The following LNX1 variants were observed in gnomAD, a reference collection of about 807,000 sequenced individuals.
The protein encoded by LNX1 is ligand of numb-protein X 1, also known as E3 ubiquitin-protein ligase LNX.
Under a neutral mutation model 68.4 loss-of-function variants are expected in LNX1, and 54 were observed. The ratio of observed to expected loss-of-function variants is 0.79; its 90% CI spans 0.63 to 0.99. The LOEUF is 0.99. Among genes scored for constraint, LNX1 ranks in the 50% least tolerant of loss-of-function variants. The pLI is 0.00. For missense variants in LNX1, 906 were observed against 926.4 expected, an observed-to-expected ratio of 0.98 and a Z score of 0.29; for synonymous variants, 336 against 350.0, an observed-to-expected ratio of 0.96 and a Z score of 0.45.
At chr4:53,596,780 T>C (rs550201020) in intron 2 of LNX1, among the ~76,000 whole-genome samples, 2 of 152,244 alleles carry the variant, frequency 1.3e-5, no homozygotes, top group South Asian at 4.1e-4. Flanking sequence ...CATCCCTGAC[T>C]TCCCCCTATT....
chr4:53,555,470 C>G (rs1278694220), intron 2 of LNX1, among the ~76,000 whole-genome samples: 4 of 152,192 alleles, frequency 2.6e-5, no homozygotes, highest in Non-Finnish European at 5.9e-5. Flanking sequence ...TCTCAACTTA[C>G]TACCTACTCT....
intron 2 of LNX1, among the ~76,000 whole-genome samples, chr4:53,521,487 T>C (rs1463004447): frequency 6.6e-6 from 1 of 152,198 alleles, no homozygotes; most frequent in Non-Finnish European, 1.5e-5. Context: ...TGGAAAATTG[T>C]GTTCTTCCTT....
At chr4:53,489,297 T>C (rs552411877) in intron 6 of LNX1, among the ~76,000 whole-genome samples, 124 of 152,214 alleles carry the variant, frequency 8.1e-4, no homozygotes, top group African/African-American at 2.9e-3. Flanking sequence ...AGCAATATGG[T>C]TTATTTTTCC....
At chr4:53,463,969 C>G (rs1722433946) in intron 9 of LNX1, among the ~76,000 whole-genome samples, 1 of 151,954 alleles carries the variant, frequency 6.6e-6, no homozygotes, top group Non-Finnish European at 1.5e-5. Flanking sequence ...AATAATAAAC[C>G]AAGTGCATCA....
At chr4:53,649,883 C>T (rs1232043012) in intron 1 of LNX1, among the ~76,000 whole-genome samples, 2 of 152,174 alleles carry the variant, frequency 1.3e-5, no homozygotes, top group Non-Finnish European at 2.9e-5. Context: ...CTATGTTCCA[C>T]CCTAGCCAAG....
intron 2 of LNX1, among the ~76,000 whole-genome samples, chr4:53,610,937 A>G (rs188055510): frequency 1.9e-4 from 29 of 152,108 alleles, no homozygotes; most frequent in Middle Eastern, 3.4e-3. Flanking sequence ...GCAAAATTAT[A>G]AAAGATCAGA....
intron 2 of LNX1, among the ~76,000 whole-genome samples, chr4:53,543,907 A>G (rs899526639): frequency 2.0e-5 from 3 of 147,000 alleles, no homozygotes; most frequent in African/African-American, 7.4e-5. Context: ...ACAAAAACAA[A>G]CAAAAAAACA....
chr4:53,507,852 A>G, intron 3 of LNX1, 134 bp downstream of exon 3: 2 of 1,194,424 alleles, frequency 1.7e-6, no homozygotes, highest in Non-Finnish European at 2.3e-6. Flanking sequence ...CGAATTGGAC[A>G]TTGGGTTCCT....
At chr4:53,463,826 T>A (rs1315050865) in intron 9 of LNX1, among the ~76,000 whole-genome samples, 3 of 152,122 alleles carry the variant, frequency 2.0e-5, no homozygotes, top group African/African-American at 7.2e-5. Flanking sequence ...AGTTTTTTTC[T>A]AAATTTTTAT....
upstream of LNX1, among the ~76,000 whole-genome samples, chr4:53,594,516 C>T (rs1009775620): frequency 1.3e-5 from 2 of 152,086 alleles, no homozygotes; most frequent in Non-Finnish European, 2.9e-5. Context: ...CTAGGCTTGG[C>T]AAATCCTGGA....
chr4:53,478,949 C>A (rs968407461), intron 7 of LNX1, among the ~76,000 whole-genome samples: 1 of 152,156 alleles, frequency 6.6e-6, no homozygotes, highest in Non-Finnish European at 1.5e-5. Context: ...CACTCCCAAC[C>A]ATAATAGGGT....
At chr4:53,570,786 G>T (rs1043216409) in intron 2 of LNX1, among the ~76,000 whole-genome samples, 2 of 151,538 alleles carry the variant, frequency 1.3e-5, no homozygotes, top group Non-Finnish European at 2.9e-5. Flanking sequence ...CCAGCACTTT[G>T]GGAGGCTGAG....
rs542210001 is a variant in LNX1 at position 53,538,878 on chromosome 4, C to T, written c.381-30651G>A. Among the ~76,000 whole-genome samples, 8 of 152,266 alleles carry T rather than the reference C, an allele frequency of 5.3e-5. No homozygotes were observed. In the East Asian group the frequency reaches 5.8e-4, roughly 11 times the overall value. Reference sequence around the variant, plus strand: ...AAAGGTAACTGAAGACCCTCAATAGCGACAACATGTTCTGTAACTTCTGGA... The same window carrying T: ...AAAGGTAACTGAAGACCCTCAATAGTGACAACATGTTCTGTAACTTCTGGA... On this transcript the variant is annotated intron_variant, in intron 2 of 10. Transcript: ENST00000263925.
chr4:53,490,705 C>A (rs759392243), intron 6 of LNX1, among the ~76,000 whole-genome samples: 1 of 152,118 alleles, frequency 6.6e-6, no homozygotes, highest in Non-Finnish European at 1.5e-5. Context: ...ATGTGATTCA[C>A]GGAGTAGACA....
intron 1 of LNX1, among the ~76,000 whole-genome samples, chr4:53,650,730 C>G (rs1173997458): frequency 2.0e-5 from 3 of 152,106 alleles, no homozygotes; most frequent in Admixed American, 2.0e-4. Flanking sequence ...AGAACCTCAA[C>G]CCTAACTCAC....
At chr4:53,556,374 C>G (rs986651523) in intron 2 of LNX1, among the ~76,000 whole-genome samples, 12 of 152,138 alleles carry the variant, frequency 7.9e-5, no homozygotes, top group Non-Finnish European at 1.3e-4. Flanking sequence ...CTTCTGGATG[C>G]CAGAACTGTG....
chr4:53,576,381 G>C, intron 1 of LNX1: 1 of 1,576,906 alleles, frequency 6.3e-7, no homozygotes, highest in Admixed American at 1.8e-5. Flanking sequence ...GCAGCCTGCA[G>C]GACTGACCCC....
At chr4:53,602,258 T>C (rs143221927) in intron 2 of LNX1, among the ~76,000 whole-genome samples, 3 of 152,120 alleles carry the variant, frequency 2.0e-5, no homozygotes, top group Non-Finnish European at 4.4e-5. Flanking sequence ...CAAGACGAAA[T>C]TAAATATGCA....
chr4:53,497,845 C>A (rs1245594864), intron 5 of LNX1, among the ~76,000 whole-genome samples: 1 of 152,182 alleles, frequency 6.6e-6, no homozygotes, highest in Non-Finnish European at 1.5e-5. Context: ...AATCAGTTTG[C>A]CAAAGAAACA....
Sources: gnomAD v4.1 joint callset for allele counts (sites outside exome capture counted in the v4.1 genomes callset) on GRCh38, gnomAD v4.1.1 for gene constraint, MANE v1.5 for transcripts, NCBI Gene and HGNC (gene_info 2026-07-23, HGNC 2026-07-21) for gene names.